CCDC178: variants seen among roughly 807,000 people sequenced by gnomAD.
CCDC178 encodes the protein coiled-coil domain-containing protein 178.
Under a neutral mutation model 117.4 loss-of-function variants are expected in CCDC178, and 126 were observed. The observed-to-expected ratio is 1.07, with a 90% CI of 0.93 to 1.24. The LOEUF (loss-of-function observed/expected upper bound fraction) is 1.24, where lower values mean the gene tolerates loss of function less well. CCDC178 is among the 50% of genes most tolerant of loss of function. The probability of loss-of-function intolerance (pLI) is 0.00; values close to 1 mark genes in which losing one functional copy is unlikely to be tolerated. For synonymous variants in CCDC178, 283 were observed against 313.4 expected, an observed-to-expected ratio of 0.90 and a Z score of 1.02; for missense variants, 1,030 against 986.9, an observed-to-expected ratio of 1.04 and a Z score of -0.59.
At chr18:33,201,431 T>C (rs2144555874) in intron 20 of CCDC178, among the ~76,000 whole-genome samples, 1 of 152,310 alleles carries the variant, frequency 6.6e-6, no homozygotes, top group Non-Finnish European at 1.5e-5. Context: ...CTCTCCCTAA[T>C]GGCAAAGTTA....
intron 20 of CCDC178, among the ~76,000 whole-genome samples, chr18:33,106,239 C>A (rs1157054707): frequency 6.6e-6 from 1 of 151,590 alleles, no homozygotes; most frequent in Non-Finnish European, 1.5e-5. Context: ...TATAACCCTG[C>A]CGATGTCAAA....
chr18:33,065,572 A>G (rs1315302743), intron 21 of CCDC178, among the ~76,000 whole-genome samples: 2 of 152,194 alleles, frequency 1.3e-5, no homozygotes, highest in African/African-American at 4.8e-5. Flanking sequence ...ACATGTTCAG[A>G]TACAGGAAGT....
chr18:33,430,347 G>A (rs2064191923), intron 2 of CCDC178, among the ~76,000 whole-genome samples: 1 of 152,062 alleles, frequency 6.6e-6, no homozygotes, highest in Non-Finnish European at 1.5e-5. Flanking sequence ...AACTACTCTG[G>A]ATTATATTTT....
intron 20 of CCDC178, among the ~76,000 whole-genome samples, chr18:33,171,513 A>T (rs1050058854): frequency 1.7e-4 from 26 of 152,226 alleles, no homozygotes; most frequent in African/African-American, 6.3e-4. Context: ...GGTCTGATTT[A>T]ATTCAAGAAG....
At chr18:33,429,026 G>A (rs200114615) in intron 2 of CCDC178, among the ~76,000 whole-genome samples, 29 of 145,056 alleles carry the variant, frequency 2.0e-4, no homozygotes, top group African/African-American at 1.3e-4. Flanking sequence ...AGTTTAAAAG[G>A]AAAAAAAAAA....
intron 20 of CCDC178, among the ~76,000 whole-genome samples, chr18:33,169,144 G>A (rs2058568154): frequency 6.6e-6 from 1 of 152,152 alleles, no homozygotes; most frequent in African/African-American, 2.4e-5. Context: ...AATTTGCAAA[G>A]AGAATACACT....
chr18:33,335,310 A>AT (rs1048695034), intron 9 of CCDC178, among the ~76,000 whole-genome samples: 1 of 151,960 alleles, frequency 6.6e-6, no homozygotes, highest in African/African-American at 2.4e-5. Context: ...ACTTTTAATG[A>AT]TTTTTTAAAT....
intron 5 of CCDC178, among the ~76,000 whole-genome samples, chr18:33,378,193 T>C (rs1296154369): frequency 6.6e-6 from 1 of 152,194 alleles, no homozygotes; most frequent in African/African-American, 2.4e-5. Flanking sequence ...GATACTTTAT[T>C]ATTTTGTGAC....
rs571623109 is a variant in CCDC178 at position 33,217,414 on chromosome 18, T to C, written c.1933-1719A>G. ...ATATAGATCTTAAAACAAATTCCTA[T>C]GCAAAGTAGTATTTAATTCACTGTG... On this transcript the variant is annotated intron_variant, in intron 18 of 22. Transcript: ENST00000383096. Among the ~76,000 whole-genome samples, 35 of 152,158 alleles carry C rather than the reference T, an allele frequency of 2.3e-4. 1 individual carries two copies. The South Asian group carries it at 5.4e-3, about 23-fold the overall frequency.
intron 9 of CCDC178, among the ~76,000 whole-genome samples, chr18:33,340,995 C>T (rs757255266): frequency 9.2e-5 from 14 of 152,278 alleles, no homozygotes; most frequent in East Asian, 5.8e-4. Flanking sequence ...GATCCACCCA[C>T]AGCTTGCACA....
chr18:33,311,757 C>T (rs995498139), intron 11 of CCDC178, among the ~76,000 whole-genome samples: 18 of 152,118 alleles, frequency 1.2e-4, no homozygotes, highest in African/African-American at 4.3e-4. Flanking sequence ...CTCAGTTGGC[C>T]CTCCAGGTAT....
intron 20 of CCDC178, among the ~76,000 whole-genome samples, chr18:33,110,949 G>C (rs1333338250): frequency 6.6e-6 from 1 of 151,406 alleles, no homozygotes; most frequent in Non-Finnish European, 1.5e-5. Context: ...ATTTTAAGTA[G>C]GATTGCATCA....
chr18:33,227,740 T>C (rs747937038), intron 15 of CCDC178, among the ~76,000 whole-genome samples: 6 of 151,784 alleles, frequency 4.0e-5, no homozygotes, highest in Non-Finnish European at 8.8e-5. Flanking sequence ...ACACTTTCTC[T>C]ACTCAATATA....
chr18:33,286,466 T>A lies in CCDC178; in HGVS notation c.1176+6693A>T, dbSNP rs146984916. ...GCTGGCTTCCTATTTGATAAATTGT[T>A]AGTATTAGAAATAACTATTCTTTCT... On this transcript the variant is annotated intron_variant, in intron 12 of 22. Coordinates refer to ENST00000383096, the MANE Select transcript of CCDC178 (RefSeq NM_001105528.4). Among the ~76,000 whole-genome samples, 621 of 152,316 alleles carry A rather than the reference T, an allele frequency of 4.1e-3. 4 individuals carry two copies. Among genetic ancestry groups the A allele is most frequent in the Non-Finnish European group, 6.5e-3 (439 of 68,024 alleles).
intron 15 of CCDC178, among the ~76,000 whole-genome samples, chr18:33,239,503 TAA>T (rs201337183): frequency 5.4e-4 from 73 of 135,312 alleles, no homozygotes; most frequent in Non-Finnish European, 4.5e-4. Context: ...GTGACGTGGT[TAA>T]AAAAAAAAAA....
intron 22 of CCDC178, among the ~76,000 whole-genome samples, chr18:32,970,494 A>G (rs985160412): frequency 1.3e-5 from 2 of 151,912 alleles, no homozygotes; most frequent in Non-Finnish European, 2.9e-5. Flanking sequence ...ACCCCCTGAC[A>G]TCGGCACTTA....
intron 2 of CCDC178, among the ~76,000 whole-genome samples, chr18:33,417,580 T>C (rs2063963112): frequency 6.6e-6 from 1 of 151,676 alleles, no homozygotes; most frequent in Admixed American, 6.6e-5. Context: ...CTGCAAGTAT[T>C]ACCGCTGAAA....
At chr18:33,133,780 G>T (rs1184356985) in intron 20 of CCDC178, among the ~76,000 whole-genome samples, 1 of 151,846 alleles carries the variant, frequency 6.6e-6, no homozygotes, top group East Asian at 1.9e-4. Flanking sequence ...TGATTGCAAG[G>T]CTGTATTCTT....
chr18:33,157,894 C>T (rs1178818052), intron 20 of CCDC178, among the ~76,000 whole-genome samples: 2 of 152,136 alleles, frequency 1.3e-5, no homozygotes, highest in African/African-American at 2.4e-5. Context: ...ATCTTGCCAA[C>T]AGAAATTGCT....
Sources: allele counts gnomAD v4.1 joint callset (sites outside exome capture counted in the v4.1 genomes callset), GRCh38; gene constraint gnomAD v4.1.1; transcripts MANE v1.5; gene names NCBI Gene and HGNC (gene_info 2026-07-23, HGNC 2026-07-21).